Variants in CUEDC1 observed in about 807,000 individuals in gnomAD.
CUEDC1 encodes the protein CUE domain containing 1, also known as CUE domain-containing protein 1.
Under a neutral mutation model 43.7 loss-of-function variants are expected in CUEDC1, and 30 were observed. The ratio of observed to expected loss-of-function variants is 0.69; its 90% confidence interval spans 0.51 to 0.93. The LOEUF is 0.93. CUEDC1 is among the 40% of genes least tolerant of loss of function. CUEDC1 has a pLI of 0.00. For missense variants in CUEDC1, 486 were observed against 549.0 expected, an observed-to-expected ratio of 0.89 and a Z score of 1.15; for synonymous variants, 223 against 223.6, an observed-to-expected ratio of 1.00 and a Z score of 0.02.
chr17:57,879,620 G>T lies in CUEDC1; in HGVS notation c.455C>A (p.Pro152Gln). 6.3e-7 allele frequency: 1 copy of T among 1,590,324 alleles called. No individual in the cohort carries two copies. The highest frequency in any genetic ancestry group is 1.1e-5 in the South Asian group (1 of 87,260). The part of the protein sequence containing the change: ...DRPYPLAPPT[P>Q]PPRIDALGSG... ...CATGACAGATTCTCACCGGGGAGGC[G>T]GAGTCGGGGGAGCCAGAGGGTAGGG... Residue 152 changes from proline to glutamine, a missense_variant, in exon 3 of 11, where the codon CCG (proline) becomes CAG (glutamine). Pro to Gln is a moderately conservative substitution (Grantham distance 76). Transcript: ENST00000577830.
Position 57,869,173 on chromosome 17 carries a change from C to A in CUEDC1, c.889G>T (p.Ala297Ser), listed in dbSNP as rs1340936408. 10 of 1,613,962 alleles carry A rather than the reference C, an allele frequency of 6.2e-6. No individual in the cohort carries two copies. The highest frequency in any genetic ancestry group is 1.3e-5 in the African/African-American group (1 of 75,058). The change falls in exon 7 of 11, where the codon GCT (alanine) becomes TCT (serine). Residue 297 changes from alanine to serine, a missense_variant. Coordinates refer to ENST00000577830, the MANE Select transcript of CUEDC1 (RefSeq NM_001271875.2). ...PVPGTGDANP[A>S]VSEDALFRDK... Reference sequence around the variant, plus strand: ...CTGAATAAGGCATCTTCAGACACAGCGGGGTTGGCGTCGCCAGTTCCTGGA... The same window carrying A: ...CTGAATAAGGCATCTTCAGACACAGAGGGGTTGGCGTCGCCAGTTCCTGGA...
intron 1 of CUEDC1, among the ~76,000 whole-genome samples, chr17:57,895,503 C>A (rs373256890): frequency 1.4e-4 from 21 of 152,350 alleles, no homozygotes; most frequent in African/African-American, 3.8e-4. Flanking sequence ...CCTCACAAAA[C>A]CTTTTTCCCA....
chr17:57,921,265 T>G (rs1455543871), intron 1 of CUEDC1, among the ~76,000 whole-genome samples: 3 of 152,112 alleles, frequency 2.0e-5, no homozygotes, highest in African/African-American at 7.2e-5. Flanking sequence ...CCCCTTCCCC[T>G]CTCAGGGACC....
At position 57,868,255 on chromosome 17, in the gene CUEDC1, G is replaced by T. The variant is rs750320890; in HGVS notation, c.941-12C>A. ...TTTCCTCCGGGTGGCTGGGGGCAGA[G>T]AGACCTGTGAGTCATTCTCTCAGCA... On this transcript the variant is annotated splice_polypyrimidine_tract_variant and intron_variant, in intron 7 of 10. Transcript: ENST00000577830. 1 of 1,611,612 alleles carries T rather than the reference G, an allele frequency of 6.2e-7. No individual in the cohort carries two copies. The highest frequency in any genetic ancestry group is 8.5e-7 in the Non-Finnish European group (1 of 1,177,748).
At chr17:57,932,145 C>T (rs2074810172) in intron 1 of CUEDC1, among the ~76,000 whole-genome samples, 2 of 151,588 alleles carry the variant, frequency 1.3e-5, no homozygotes, top group South Asian at 2.1e-4. Context: ...AGCTGGGTGT[C>T]GTGGTACATG....
At chr17:57,916,159 G>A (rs776911966) in intron 1 of CUEDC1, among the ~76,000 whole-genome samples, 14 of 152,356 alleles carry the variant, frequency 9.2e-5, no homozygotes, top group African/African-American at 2.2e-4. Flanking sequence ...CCAGCTCTCC[G>A]ACTCCTACCC....
In CUEDC1 at chr17:57,954,637, A is replaced by C. The variant is rs1239744663; in HGVS notation, c.-316+588T>G. Among the ~76,000 whole-genome samples, 2 of 151,960 alleles carry C rather than the reference A, an allele frequency of 1.3e-5. No homozygotes were observed. The highest frequency in any genetic ancestry group is 6.6e-5 in the Admixed American group (1 of 15,264). ...AACTTTCCCTGGCCGAGCTGACGGGAGATACAGCTCCCAGGGGACCGGGAG... is the reference window on the plus strand; with the variant it reads ...AACTTTCCCTGGCCGAGCTGACGGGCGATACAGCTCCCAGGGGACCGGGAG... On this transcript the variant is annotated intron_variant, in intron 1 of 10. Coordinates refer to ENST00000577830, the MANE Select transcript of CUEDC1 (RefSeq NM_001271875.2). This position sits in a 1 kb window ranked among gnomAD's most constrained non-coding sequence, Gnocchi z 4.3.
At chr17:57,912,922 A>G (rs2074599705) in intron 1 of CUEDC1, among the ~76,000 whole-genome samples, 1 of 152,080 alleles carries the variant, frequency 6.6e-6, no homozygotes, top group African/African-American at 2.4e-5. Context: ...AGCTCATCGT[A>G]GCCTCAACCT....
chr17:57,923,457 C>A (rs2074716433), intron 1 of CUEDC1, among the ~76,000 whole-genome samples: 1 of 152,232 alleles, frequency 6.6e-6, no homozygotes, highest in Non-Finnish European at 1.5e-5. Flanking sequence ...CCACACCCTG[C>A]TTTCACGTAG....
chr17:57,952,523 G>T (rs990734322), intron 1 of CUEDC1, among the ~76,000 whole-genome samples: 2 of 152,078 alleles, frequency 1.3e-5, no homozygotes, highest in Non-Finnish European at 2.9e-5. Context: ...CACCGCATCC[G>T]GCCTCCAATG....
In CUEDC1 at chr17:57,861,749, A is replaced by C. The variant is rs1039070578; in HGVS notation, c.*1540T>G. 1 of 151,890 alleles carries C rather than the reference A, an allele frequency of 6.6e-6. No individual in the cohort carries two copies. 9.4% of individuals were successfully genotyped at this position (151,890 alleles called of 1,614,324 possible). A position where few individuals can be genotyped will look rare whatever the true frequency, so the allele number is the denominator to read the frequency against. ...AGTGCGCCGGGTCCTGGCGCGGGGA[A>C]GGCTCAGAGACCCGTCGAGAACTCG... On this transcript the variant is annotated 3_prime_UTR_variant, in exon 11 of 11. Transcript: ENST00000577830.
rs561770965 is a variant in CUEDC1 at position 57,875,503 on chromosome 17, G to A, written c.465-1786C>T. 3.0e-4 allele frequency among the ~76,000 whole-genome samples: 46 copies of A among 152,288 alleles called. No homozygotes were observed. In the East Asian group the frequency reaches 5.0e-3, roughly 17 times the overall value. On this transcript the variant is annotated intron_variant, in intron 3 of 10. Coordinates refer to ENST00000577830, the MANE Select transcript of CUEDC1 (RefSeq NM_001271875.2). ...AGAGATGAGGTCAGCCCACAGCTGC[G>A]TGAGCCAGGGCACAGGCAGCCCAGG...
intron 1 of CUEDC1, among the ~76,000 whole-genome samples, chr17:57,931,326 G>C (rs2074802156): frequency 1.3e-5 from 2 of 151,716 alleles, no homozygotes; most frequent in African/African-American, 4.8e-5. Context: ...AAGAGGGAGA[G>C]GTACAATTCG....
chr17:57,872,435 C>T (rs150553604), intron 5 of CUEDC1, among the ~76,000 whole-genome samples: 146 of 152,186 alleles, frequency 9.6e-4, no homozygotes, highest in African/African-American at 3.3e-3. Flanking sequence ...AGTGCACATC[C>T]TTCTTCCTCT....
At chr17:57,921,958 C>A (rs940758606) in intron 1 of CUEDC1, among the ~76,000 whole-genome samples, 1 of 152,070 alleles carries the variant, frequency 6.6e-6, no homozygotes, top group Non-Finnish European at 1.5e-5. Flanking sequence ...ACTAAAGATA[C>A]AAAAATTAGC....
At chr17:57,879,214 A>C (rs2074170428) in intron 3 of CUEDC1, among the ~76,000 whole-genome samples, 1 of 152,220 alleles carries the variant, frequency 6.6e-6, no homozygotes, top group Non-Finnish European at 1.5e-5. Context: ...GTCTTGACTC[A>C]GCAGGAAAGA....
intron 1 of CUEDC1, among the ~76,000 whole-genome samples, chr17:57,895,636 A>C (rs1217301106): frequency 2.6e-5 from 4 of 152,174 alleles, no homozygotes; most frequent in Non-Finnish European, 2.9e-5. Flanking sequence ...CTCAGCCAAG[A>C]TATTCGACTC....
At chr17:57,879,937 C>T (rs903240606) in intron 2 of CUEDC1, among the ~76,000 whole-genome samples, 199 bp from the exon 3 acceptor site, 2 of 152,168 alleles carry the variant, frequency 1.3e-5, no homozygotes, top group Non-Finnish European at 2.9e-5. Context: ...CTCTGACCCT[C>T]CAGTTCTGGC....
rs891758472 is a variant in CUEDC1 at position 57,861,916 on chromosome 17, A to C, written c.*1373T>G. The C allele has an allele frequency of 2.0e-5, 3 of 150,506 alleles. No homozygotes were observed. The highest frequency in any genetic ancestry group is 4.4e-5 in the Non-Finnish European group (3 of 67,488). The allele number at this position is 150,506 out of a possible 1,614,324, so 9.3% of individuals were successfully genotyped here. ...GTCCCGGCCCCGCGCGCGTTTCCAAACTTGGTCACGCTCGGCGGCGGCTGC... is the reference window on the plus strand; with the variant it reads ...GTCCCGGCCCCGCGCGCGTTTCCAACCTTGGTCACGCTCGGCGGCGGCTGC... On this transcript the variant is annotated 3_prime_UTR_variant, in exon 11 of 11. Transcript: ENST00000577830.
Sources: allele counts gnomAD v4.1 joint callset (sites outside exome capture counted in the v4.1 genomes callset), GRCh38; gene constraint gnomAD v4.1.1; non-coding constraint Gnocchi (gnomAD v3.1); transcripts MANE v1.5; gene names NCBI Gene and HGNC (gene_info 2026-07-23, HGNC 2026-07-21).